TRPV6: variants seen among roughly 807,000 people sequenced by gnomAD.
TRPV6 encodes the protein Alu-binding protein with zinc finger domain.
A neutral mutation model predicts 79.0 loss-of-function variants in TRPV6; 39 were observed. The observed-to-expected ratio is 0.49, with a 90% CI of 0.38 to 0.64. The LOEUF (loss-of-function observed/expected upper bound fraction) is 0.64, where lower values mean the gene tolerates loss of function less well. Among genes scored for constraint, TRPV6 ranks in the 30% least tolerant of loss-of-function variants. TRPV6 has a pLI of 0.00. For missense variants in TRPV6, 813 were observed against 1,011.1 expected (o/e 0.80, Z 2.66); for synonymous variants, 373 against 391.9 (o/e 0.95, Z 0.57).
chr7:142,874,470 G>C (rs1035149014), intron 11 of TRPV6, 21 bp downstream of exon 11: 2 of 1,613,556 alleles, frequency 1.2e-6, no homozygotes, highest in East Asian at 2.2e-5. Flanking sequence ...TTTCTCTAGG[G>C]AGCTTGGGGG....
Position 142,873,772 on chromosome 7 carries a change from A to G in TRPV6, c.1640-56T>C. On this transcript the variant is annotated intron_variant, in intron 12 of 14. Coordinates refer to ENST00000359396, the MANE Select transcript of TRPV6 (RefSeq NM_018646.6). This position sits in a 1 kb window ranked among gnomAD's most constrained non-coding sequence, Gnocchi z 4.8. ...TGGCAACCATGCAGACGACCAGCCC[A>G]CCCCGGGCTCTGCGTGCATGTCCAT... is the stretch of plus-strand genomic sequence containing the variant. The G allele has an allele frequency of 6.2e-7, 1 of 1,600,472 alleles. No homozygotes were observed. Among genetic ancestry groups the G allele is most frequent in the Non-Finnish European group, 8.5e-7 (1 of 1,169,952 alleles).
chr7:142,876,867 G>A (rs1186252012), intron 4 of TRPV6, 30 bp from the exon 5 acceptor site: 2 of 1,613,072 alleles, frequency 1.2e-6, no homozygotes, highest in Middle Eastern at 1.7e-4. Context: ...TATGGTAGGA[G>A]AGTGCAGGAT....
chr7:142,877,947 A>T lies in TRPV6; in HGVS notation c.328T>A (p.Cys110Ser). Reference sequence around the variant, plus strand: ...TTCTTACCTCTCTGGTGCACCTTGCAATCCTCATACTTGAGCAACTTGTTC... The same window carrying T: ...TTCTTACCTCTCTGGTGCACCTTGCTATCCTCATACTTGAGCAACTTGTTC... The change falls in exon 2 of 15, where the codon TGC (cysteine) becomes AGC (serine). Residue 110 changes from cysteine (C) to serine (S), a missense_variant. By Grantham distance (112) the Cys-to-Ser change is moderately radical. Around this residue, in one of 3 missense-constraint regions of TRPV6, gnomAD observed 555 missense variants for 631.0 expected, o/e 0.88. Transcript: ENST00000359396. 6.2e-7 allele frequency: 1 copy of T among 1,614,220 alleles called. No homozygotes were observed. Among genetic ancestry groups the T allele is most frequent in the Non-Finnish European group, 8.5e-7 (1 of 1,180,042 alleles).
Position 142,875,578 on chromosome 7 carries a change from G to T in TRPV6, c.1132C>A (p.Leu378Met). 4 of 1,613,636 alleles carry T rather than the reference G, an allele frequency of 2.5e-6. No homozygotes were observed. The highest frequency in any genetic ancestry group is 3.4e-6 in the Non-Finnish European group (4 of 1,179,990). ...CACATGGTGAAGCAGATGATGTACAGCAGATATATGGCACCCAGCATGCAG... is the reference window on the plus strand; with the variant it reads ...CACATGGTGAAGCAGATGATGTACATCAGATATATGGCACCCAGCATGCAG... The change falls in exon 8 of 15, where the codon CTG becomes ATG. Residue 378 changes from leucine (L) to methionine (M), a missense_variant. By Grantham distance (15) the Leu-to-Met change is conservative. This residue lies in a region of TRPV6 where 555 missense variants were observed against 631.0 expected (regional missense o/e 0.88). Transcript: ENST00000359396.
Position 142,872,451 on chromosome 7 carries a change from G to C in TRPV6, c.1936C>G (p.Arg646Gly), listed in dbSNP as rs543716080. The C allele has an allele frequency of 2.5e-6, 4 of 1,613,906 alleles. No individual in the cohort carries two copies. The highest frequency in any genetic ancestry group is 3.3e-5 in the Admixed American group (2 of 59,986). Reference sequence around the variant, plus strand: ...GGCCACAGGCAGCGAGGCAGCTTCCGCTCCAGCATCACTGTGGTGGCCACA... The same window carrying C: ...GGCCACAGGCAGCGAGGCAGCTTCCCCTCCAGCATCACTGTGGTGGCCACA... The change falls in exon 14 of 15, where the codon CGG becomes GGG. Residue 646 changes from arginine to glycine, a missense_variant. Coordinates refer to ENST00000359396, the MANE Select transcript of TRPV6 (RefSeq NM_018646.6).
rs377534402 is a variant in TRPV6 at position 142,871,693 on chromosome 7, G to A, written c.*14C>T. On this transcript the variant is annotated 3_prime_UTR_variant, in exon 15 of 15. Transcript: ENST00000359396. The stretch of plus-strand genomic sequence containing the variant: ...ATGAGAGCAAGTTCCAGGAAGCGAA[G>A]TGAGAACACGCAGTCAGATCTGATA... 1.5e-5 allele frequency: 24 copies of A among 1,562,728 alleles called. No individual in the cohort carries two copies. Among genetic ancestry groups the A allele is most frequent in the Non-Finnish European group, 2.1e-5 (24 of 1,152,000 alleles).
At chr7:142,878,277 G>C in intron 1 of TRPV6, 2 of 557,688 alleles carry the variant, frequency 3.6e-6, no homozygotes, top group South Asian at 4.2e-5. Context: ...CCCCTACCGG[G>C]TCCTGGGACC....
intron 1 of TRPV6, 59 bp from the exon 2 acceptor site, chr7:142,878,085 G>A: frequency 1.4e-6 from 2 of 1,452,574 alleles, no homozygotes; most frequent in Non-Finnish European, 1.9e-6. Flanking sequence ...TGTGGAGGGA[G>A]AGGCCCTGGC....
At chr7:142,879,867 T>C (rs1563357610) in intron 1 of TRPV6, 3 of 152,452 alleles carry the variant, frequency 2.0e-5, no homozygotes, top group East Asian at 3.9e-4. Context: ...ACCTGGCATT[T>C]TGGTCTCATC....
chr7:142,875,818 G>A lies in TRPV6; in HGVS notation c.969C>T (p.Ile323=), dbSNP rs147743048. Residue 323 remains isoleucine (I), a synonymous_variant, in exon 7 of 15, where the codon ATC becomes ATT. Coordinates refer to ENST00000359396, the MANE Select transcript of TRPV6 (RefSeq NM_018646.6). Reference sequence around the variant, plus strand: ...GGGACTGCTCATCCCCTGAGGAGTCGATCTCTGTGAGGTCATAGAGAGTCG... The same window carrying A: ...GGGACTGCTCATCCCCTGAGGAGTCAATCTCTGTGAGGTCATAGAGAGTCG... The A allele has an allele frequency of 1.2e-3, 1,994 of 1,612,126 alleles. 10 individuals carry two copies. Among genetic ancestry groups the A allele is most frequent in the Middle Eastern group, 0.011 (67 of 6,030 alleles).
At chr7:142,878,994 C>G (rs537326790) in intron 1 of TRPV6, 1 of 152,350 alleles carries the variant, frequency 6.6e-6, no homozygotes, top group Admixed American at 6.5e-5. Context: ...GTCTCAGTTT[C>G]CAAACAGCTC....
In TRPV6 at chr7:142,875,918, A is replaced by G; in HGVS notation, c.883-14T>C. On this transcript the variant is annotated splice_polypyrimidine_tract_variant and intron_variant, in intron 6 of 14. Coordinates refer to ENST00000359396, the MANE Select transcript of TRPV6 (RefSeq NM_018646.6). The stretch of plus-strand genomic sequence containing the variant: ...GTGCTGAAACATCTAAGGGAAAGTG[A>G]AGATGACTCAGGAGCAGTAAGCAAA... 6.4e-7 allele frequency: 1 copy of G among 1,563,294 alleles called. No individual in the cohort carries two copies. The highest frequency in any genetic ancestry group is 8.7e-7 in the Non-Finnish European group (1 of 1,154,806).
rs146284441 is a variant in TRPV6, at chr7:142,874,435, G to A, written c.1572+56C>T. Reference sequence around the variant, plus strand: ...CTACTGTTCTGCCCTTTATGGGACCGTCTGCTGACTGTGGCTCTGGGGCCT... The same window carrying A: ...CTACTGTTCTGCCCTTTATGGGACCATCTGCTGACTGTGGCTCTGGGGCCT... On this transcript the variant is annotated intron_variant, in intron 11 of 14. Coordinates refer to ENST00000359396, the MANE Select transcript of TRPV6 (RefSeq NM_018646.6). 1.6e-4 allele frequency: 262 copies of A among 1,604,744 alleles called. No homozygotes were observed. In the African/African-American group the frequency reaches 2.8e-3, roughly 17 times the overall value.
At position 142,875,835 on chromosome 7, in the gene TRPV6, A is replaced by G; in HGVS notation, c.952T>C (p.Tyr318His). 1 of 1,611,694 alleles carries G rather than the reference A, an allele frequency of 6.2e-7. No homozygotes were observed. The highest frequency in any genetic ancestry group is 8.5e-7 in the Non-Finnish European group (1 of 1,178,780). The stretch of plus-strand genomic sequence containing the variant: ...GAGGAGTCGATCTCTGTGAGGTCAT[A>G]GAGAGTCGAGGTCAGTGGTCCATAC... The change falls in exon 7 of 15, where the codon TAT becomes CAT. Residue 318 changes from tyrosine (Y) to histidine (H), a missense_variant. Around this residue, in one of 3 missense-constraint regions of TRPV6, gnomAD observed 555 missense variants for 631.0 expected, o/e 0.88. Coordinates refer to ENST00000359396, the MANE Select transcript of TRPV6 (RefSeq NM_018646.6).
chr7:142,881,749 C>T (rs1188883573), intron 1 of TRPV6: 4 of 152,338 alleles, frequency 2.6e-5, no homozygotes, highest in East Asian at 1.9e-4. Context: ...AGATCAATGA[C>T]CTCCTTCTCA....
chr7:142,872,218 C>G (rs4987680), intron 14 of TRPV6, among the ~76,000 whole-genome samples, 154 bp downstream of exon 14: 1 of 152,188 alleles, frequency 6.6e-6, no homozygotes. Context: ...GAGCTCCAAA[C>G]GGGACCCCTT....
intron 10 of TRPV6, 113 bp from the exon 11 acceptor site, chr7:142,874,769 C>T: frequency 1.3e-6 from 2 of 1,551,806 alleles, no homozygotes; most frequent in Non-Finnish European, 1.8e-6. Flanking sequence ...CCTCCCCACA[C>T]TCAATGCCCA....
intron 1 of TRPV6, chr7:142,884,123 A>T (rs1795248575): frequency 6.6e-6 from 1 of 151,904 alleles, no homozygotes; most frequent in African/African-American, 2.4e-5. Context: ...GAGTGAAGCC[A>T]GTGAGGACGA....
chr7:142,882,831 A>G (rs1795221482), intron 1 of TRPV6: 1 of 152,154 alleles, frequency 6.6e-6, no homozygotes, highest in African/African-American at 2.4e-5. Context: ...TAACCCTAAA[A>G]AAAGCTCCAA....
Sources: gnomAD v4.1 joint callset for allele counts (sites outside exome capture counted in the v4.1 genomes callset) on GRCh38, gnomAD v4.1.1 for gene constraint, gnomAD v4.1.1 regional missense constraint, Gnocchi (gnomAD v3.1) non-coding constraint, MANE v1.5 for transcripts, NCBI Gene and HGNC (gene_info 2026-07-23, HGNC 2026-07-21) for gene names.